Variants in RNF144B observed in about 807,000 individuals in gnomAD.
RNF144B encodes the protein ring finger protein 144B, also known as E3 ubiquitin-protein ligase RNF144B.
In RNF144B, 25 loss-of-function variants were observed where a neutral mutation model predicts 40.2. The ratio of observed to expected loss-of-function variants is 0.62; its 90% CI spans 0.45 to 0.87. The LOEUF (loss-of-function observed/expected upper bound fraction) is 0.87. Among genes scored for constraint, RNF144B ranks in the 40% least tolerant of loss-of-function variants. RNF144B has a pLI of 0.00. For missense variants in RNF144B, 365 were observed against 373.7 expected (o/e 0.98, Z 0.19); for synonymous variants, 145 against 136.3 (o/e 1.06, Z -0.44).
chr6:18,436,670 T>C (rs1046548615), intron 3 of RNF144B, among the ~76,000 whole-genome samples: 2 of 152,226 alleles, frequency 1.3e-5, no homozygotes, highest in Non-Finnish European at 2.9e-5. Context: ...TAATCTCTTT[T>C]ATTCTCTAGG....
At chr6:18,435,866 C>T (rs1347240615) in intron 3 of RNF144B, among the ~76,000 whole-genome samples, 1 of 113,714 alleles carries the variant, frequency 8.8e-6, no homozygotes, top group Non-Finnish European at 1.7e-5. Flanking sequence ...ACACCAGGGA[C>T]TGTTGTGGGG....
Position 18,468,461 on chromosome 6 carries a change from C to A in RNF144B, c.*3394C>A, listed in dbSNP as rs1258780040. On this transcript the variant is annotated 3_prime_UTR_variant, in exon 8 of 8. Coordinates refer to ENST00000259939, the MANE Select transcript of RNF144B (RefSeq NM_182757.4). Reference sequence around the variant, plus strand: ...CTTGTAGCGTGCTTCATGAAAATATCTACTTATCCAGGTTTGCAAATGTAC... The same window carrying A: ...CTTGTAGCGTGCTTCATGAAAATATATACTTATCCAGGTTTGCAAATGTAC... The A allele has an allele frequency of 6.6e-6, 1 of 152,144 alleles. No homozygotes were observed. Among genetic ancestry groups the A allele is most frequent in the Non-Finnish European group, 1.5e-5 (1 of 68,028 alleles). The allele number at this position is 152,144 out of a possible 1,614,324, so 9.4% of individuals were successfully genotyped here.
In RNF144B at chr6:18,400,517, C is replaced by T. The variant is rs1421896693; in HGVS notation, c.165+818C>T. The stretch of plus-strand genomic sequence containing the variant: ...ACTTAATGAGAGCCCTATAGACCTG[C>T]AGAAGTGGGCTTATCTCTTTTAGTG... On this transcript the variant is annotated intron_variant, in intron 2 of 7. Transcript: ENST00000259939. The surrounding 1 kb of genome is among the most constrained non-coding windows in gnomAD (Gnocchi z 5.6). Among the ~76,000 whole-genome samples the T allele has an allele frequency of 6.6e-6, 1 of 152,128 alleles. No homozygotes were observed. Among genetic ancestry groups the T allele is most frequent in the African/African-American group, 2.4e-5 (1 of 41,432 alleles).
At position 18,468,639 on chromosome 6, in the gene RNF144B, T is replaced by TAG. The variant is rs1465272736; in HGVS notation, c.*3575_*3576dup. 6.6e-6 allele frequency: 1 copy of TAG among 152,230 alleles called. No homozygotes were observed. Among genetic ancestry groups the TAG allele is most frequent in the Non-Finnish European group, 1.5e-5 (1 of 68,034 alleles). 9.4% of individuals were successfully genotyped at this position (152,230 alleles called of 1,614,324 possible). On this transcript the variant is annotated 3_prime_UTR_variant, in exon 8 of 8. Transcript: ENST00000259939. The stretch of plus-strand genomic sequence containing the variant: ...CATGAATGGATGCCTTTATGTGATA[T>TAG]AGAGTCATGTGTGTATGTGTAGCTT...
In RNF144B at chr6:18,399,669, C is replaced by G; in HGVS notation, c.135C>G (p.Leu45=). 4 of 1,613,938 alleles carry G rather than the reference C, an allele frequency of 2.5e-6. No homozygotes were observed. Among genetic ancestry groups the G allele is most frequent in the Non-Finnish European group, 2.5e-6 (3 of 1,179,882 alleles). ...AGTCTCTGGACAAGATGACCACACT[C>G]CAGGAATGCCAGTGCATCTTTTGCA... ...CEQSLDKMTT[L]QECQCIFCTA... is the part of the protein sequence containing the mutation. The change falls in exon 2 of 8, where the codon CTC becomes CTG. Residue 45 remains leucine, a synonymous_variant. Transcript: ENST00000259939.
Position 18,387,483 on chromosome 6 carries a change from A to G in RNF144B, c.-184A>G, listed in dbSNP as rs1447792223. On this transcript the variant is annotated 5_prime_UTR_variant, in exon 1 of 8. Transcript: ENST00000259939. ...CGCAAGTCCTGTTGCAGTCTTGCAAAGTGTAAAGCTGTCAGCCGCAGAGCA... is the reference window on the plus strand; with the variant it reads ...CGCAAGTCCTGTTGCAGTCTTGCAAGGTGTAAAGCTGTCAGCCGCAGAGCA... 7.8e-7 allele frequency: 1 copy of G among 1,285,014 alleles called. No homozygotes were observed. Among genetic ancestry groups the G allele is most frequent in the Non-Finnish European group, 1.0e-6 (1 of 986,650 alleles). 79.6% of individuals were successfully genotyped at this position (1,285,014 alleles called of 1,614,324 possible). A position where few individuals can be genotyped will look rare whatever the true frequency, so the allele number is the denominator to read the frequency against.
intron 3 of RNF144B, among the ~76,000 whole-genome samples, chr6:18,433,755 G>C (rs570600881): frequency 6.6e-6 from 1 of 152,178 alleles, no homozygotes; most frequent in African/African-American, 2.4e-5. Context: ...TTCCAATCAG[G>C]ATTTTTAATC....
intron 3 of RNF144B, among the ~76,000 whole-genome samples, chr6:18,435,087 T>G (rs1420962958): frequency 6.6e-6 from 1 of 152,232 alleles, no homozygotes; most frequent in Non-Finnish European, 1.5e-5. Context: ...AATTAAAGTT[T>G]GGGTGTTTTC....
At chr6:18,452,672 G>C (rs529395086) in intron 4 of RNF144B, among the ~76,000 whole-genome samples, 2 of 152,148 alleles carry the variant, frequency 1.3e-5, no homozygotes, top group Admixed American at 1.3e-4. Context: ...CAAGTTTAGA[G>C]ATGAAGTAAA....
chr6:18,399,385 G>A (rs1562040093), intron 1 of RNF144B, 114 bp from the exon 2 acceptor site: 2 of 731,184 alleles, frequency 2.7e-6, no homozygotes, highest in South Asian at 3.9e-5. Context: ...TGCATTAGCT[G>A]TAAGTTTTGG....
chr6:18,409,503 C>T (rs1413421887), intron 2 of RNF144B, among the ~76,000 whole-genome samples: 1 of 151,166 alleles, frequency 6.6e-6, no homozygotes, highest in Non-Finnish European at 1.5e-5. Context: ...TAACTTATGC[C>T]CTCCCCCACC....
At position 18,457,262 on chromosome 6, in the gene RNF144B, T is replaced by A; in HGVS notation, c.439T>A (p.Ser147Thr). Residue 147 changes from serine to threonine, a missense_variant, in exon 5 of 8, where the codon TCT (serine) becomes ACT (threonine). Transcript: ENST00000259939. This position sits in a 1 kb window ranked among gnomAD's most constrained non-coding sequence, Gnocchi z 5.1. ...PGQPVLVECP[S>T]CHLKFCSCCK... ...ACAGCCTGTGCTGGTGGAATGCCCT[T>A]CTTGCCACCTGAAATTCTGCTCGTG... The A allele has an allele frequency of 6.2e-7, 1 of 1,614,106 alleles. No homozygotes were observed. The highest frequency in any genetic ancestry group is 8.5e-7 in the Non-Finnish European group (1 of 1,179,966).
chr6:18,450,822 C>G lies in RNF144B; in HGVS notation c.332-6333C>G, dbSNP rs1759194374. 6.6e-6 allele frequency among the ~76,000 whole-genome samples: 1 copy of G among 152,190 alleles called. No homozygotes were observed. Among genetic ancestry groups the G allele is most frequent in the East Asian group, 1.9e-4 (1 of 5,190 alleles). On this transcript the variant is annotated intron_variant, in intron 4 of 7. Coordinates refer to ENST00000259939, the MANE Select transcript of RNF144B (RefSeq NM_182757.4). The surrounding 1 kb of genome is among the most constrained non-coding windows in gnomAD (Gnocchi z 4.7). ...TTCTCTCTTCTACAGCTTCTAAATGCTGCCTGCAAAGTTGCTACCTCAGGG... is the reference window on the plus strand; with the variant it reads ...TTCTCTCTTCTACAGCTTCTAAATGGTGCCTGCAAAGTTGCTACCTCAGGG...
In RNF144B at chr6:18,467,051, T is replaced by C. The variant is rs1255835417; in HGVS notation, c.*1984T>C. ...ATGTTAGTATAATTATAGATTTACA[T>C]ATATTTGAATAGTTAATTTGCTTTG... is the stretch of plus-strand genomic sequence containing the variant. On this transcript the variant is annotated 3_prime_UTR_variant, in exon 8 of 8. Coordinates refer to ENST00000259939, the MANE Select transcript of RNF144B (RefSeq NM_182757.4). 1.3e-5 allele frequency: 2 copies of C among 152,638 alleles called. No individual in the cohort carries two copies. The highest frequency in any genetic ancestry group is 2.9e-5 in the Non-Finnish European group (2 of 68,036). 9.5% of individuals were successfully genotyped at this position (152,638 alleles called of 1,614,324 possible).
At chr6:18,431,801 G>A (rs1479913137) in intron 3 of RNF144B, among the ~76,000 whole-genome samples, 1 of 152,160 alleles carries the variant, frequency 6.6e-6, no homozygotes, top group Non-Finnish European at 1.5e-5. Flanking sequence ...TTTCCTCTGA[G>A]TGCTTCCTTG....
In RNF144B at chr6:18,468,233, C is replaced by T. The variant is rs502759; in HGVS notation, c.*3166C>T. 145,963 of 152,302 alleles carry T rather than the reference C, an allele frequency of 0.96. 70,085 individuals carry two copies. The highest frequency in any genetic ancestry group is 0.99 in the Non-Finnish European group (67,496 of 68,050). The allele number at this position is 152,302 out of a possible 1,614,324, so 9.4% of individuals were successfully genotyped here. A position where few individuals can be genotyped will look rare whatever the true frequency, so the allele number is the denominator to read the frequency against. On this transcript the variant is annotated 3_prime_UTR_variant, in exon 8 of 8. Transcript: ENST00000259939. Reference sequence around the variant, plus strand: ...CCCAGCATCTAGAAATCCTATGAAACGTATTAGCACAATATCTTGCCATTG... The same window carrying T: ...CCCAGCATCTAGAAATCCTATGAAATGTATTAGCACAATATCTTGCCATTG...
rs1331561612 is a variant in RNF144B, at chr6:18,398,366, TTCTG to T, written c.-36-1129_-36-1126del. Among the ~76,000 whole-genome samples, 3 of 152,242 alleles carry T rather than the reference TTCTG, an allele frequency of 2.0e-5. No individual in the cohort carries two copies. The highest frequency in any genetic ancestry group is 4.8e-5 in the African/African-American group (2 of 41,544). The stretch of plus-strand genomic sequence containing the variant: ...TATATAGACCACATTTTGTTTGTTC[TTCTG>T]TCTTTTTAATTTTTTATTTTTTGAG... On this transcript the variant is annotated intron_variant, in intron 1 of 7. Transcript: ENST00000259939. This position sits in a 1 kb window ranked among gnomAD's most constrained non-coding sequence, Gnocchi z 5.0.
At chr6:18,411,195 G>T (rs1795025817) in intron 2 of RNF144B, among the ~76,000 whole-genome samples, 1 of 151,772 alleles carries the variant, frequency 6.6e-6, no homozygotes, top group African/African-American at 2.4e-5. Context: ...ATGTTAGCCA[G>T]GATGGTCTCG....
At position 18,395,386 on chromosome 6, in the gene RNF144B, G is replaced by A. The variant is rs534385175; in HGVS notation, c.-36-4113G>A. ...TGAGCTTCCTGAGGCTCTACTATTG[G>A]GGGTTTCATGCTGTGAAGACCGGTG... is the stretch of plus-strand genomic sequence containing the variant. On this transcript the variant is annotated intron_variant, in intron 1 of 7. Coordinates refer to ENST00000259939, the MANE Select transcript of RNF144B (RefSeq NM_182757.4). The surrounding 1 kb of genome is among the most constrained non-coding windows in gnomAD (Gnocchi z 4.5). Among the ~76,000 whole-genome samples, 6 of 152,212 alleles carry A rather than the reference G, an allele frequency of 3.9e-5. No individual in the cohort carries two copies. The highest frequency in any genetic ancestry group is 3.9e-4 in the Admixed American group (6 of 15,292).
Sources: gnomAD v4.1 joint callset for allele counts (sites outside exome capture counted in the v4.1 genomes callset) on GRCh38, gnomAD v4.1.1 for gene constraint, Gnocchi (gnomAD v3.1) non-coding constraint, MANE v1.5 for transcripts, NCBI Gene and HGNC (gene_info 2026-07-23, HGNC 2026-07-21) for gene names.